BEND7: variants seen among roughly 807,000 people sequenced by gnomAD.
The protein encoded by BEND7 is BEN domain-containing protein 7.
BEND7 carries 28 observed loss-of-function variants against 50.9 expected under a neutral mutation model. The ratio of observed to expected loss-of-function variants is 0.55; its 90% CI spans 0.41 to 0.75. The LOEUF is 0.75. Ranked by LOEUF, BEND7 falls within the 30% of genes least tolerant of loss-of-function variation. The pLI, the probability that BEND7 is intolerant of heterozygous loss-of-function variation, is 0.00. For synonymous variants in BEND7, 170 were observed against 183.9 expected, an observed-to-expected ratio of 0.92 and a Z score of 0.61; for missense variants, 477 against 491.3, an observed-to-expected ratio of 0.97 and a Z score of 0.28.
At chr10:13,513,930 G>A (rs182262232) in intron 2 of BEND7, among the ~76,000 whole-genome samples, 6 of 152,250 alleles carry the variant, frequency 3.9e-5, no homozygotes, top group Non-Finnish European at 5.9e-5. Context: ...AAAAGTGCCC[G>A]GGACTCTATT....
At chr10:13,526,085 A>C in intron 2 of BEND7, 53 bp downstream of exon 2, 1 of 989,618 alleles carries the variant, frequency 1.0e-6, no homozygotes, top group Non-Finnish European at 1.4e-6. Flanking sequence ...TTTCCCCCTA[A>C]TTGCAAATGG....
At position 13,522,616 on chromosome 10, in the gene BEND7, C is replaced by T. The variant is rs79287646; in HGVS notation, c.145+3522G>A. Reference sequence around the variant, plus strand: ...CCTCACCCTTCCCACCTGGAATCTTCTCCAGGGAGGAGAAATACAGGAGCG... The same window carrying T: ...CCTCACCCTTCCCACCTGGAATCTTTTCCAGGGAGGAGAAATACAGGAGCG... On this transcript the variant is annotated intron_variant, in intron 2 of 8. Transcript: ENST00000466271. Among the ~76,000 whole-genome samples the T allele has an allele frequency of 6.7e-3, 1,019 of 152,348 alleles. 17 individuals carry two copies. The highest frequency in any genetic ancestry group is 0.024 in the African/African-American group (983 of 41,566).
chr10:13,449,220 A>T (rs1388460170), intron 7 of BEND7, among the ~76,000 whole-genome samples: 1 of 152,200 alleles, frequency 6.6e-6, no homozygotes, highest in Non-Finnish European at 1.5e-5. Flanking sequence ...TATATTTAGA[A>T]GACATTATTT....
intron 4 of BEND7, among the ~76,000 whole-genome samples, chr10:13,494,394 C>A (rs1385934288): frequency 6.6e-6 from 1 of 152,122 alleles, no homozygotes; most frequent in African/African-American, 2.4e-5. Context: ...TCCAGCCTGG[C>A]GACAGAGTGA....
At chr10:13,476,339 T>C (rs1043629168) in intron 6 of BEND7, among the ~76,000 whole-genome samples, 1 of 152,178 alleles carries the variant, frequency 6.6e-6, no homozygotes, top group African/African-American at 2.4e-5. Context: ...CTGATACCTG[T>C]GGCTGTCCAG....
chr10:13,478,834 G>A (rs945155833), intron 6 of BEND7, among the ~76,000 whole-genome samples: 5 of 151,996 alleles, frequency 3.3e-5, no homozygotes, highest in African/African-American at 1.2e-4. Flanking sequence ...TTACTGGGTC[G>A]TTATTACAGA....
intron 8 of BEND7, chr10:13,443,489 G>A (rs1412102014): frequency 6.5e-6 from 1 of 152,676 alleles, no homozygotes; most frequent in Admixed American, 6.5e-5. Flanking sequence ...CTGGAGGTGG[G>A]CGTTCTGGAC....
intron 8 of BEND7, chr10:13,442,082 T>G: frequency 3.4e-6 from 1 of 296,184 alleles, no homozygotes; most frequent in African/African-American, 2.2e-5. Context: ...GTGACATGAA[T>G]ACCTTGGACA....
chr10:13,503,825 AG>A (rs2077663104), intron 2 of BEND7, among the ~76,000 whole-genome samples: 1 of 152,222 alleles, frequency 6.6e-6, no homozygotes, highest in South Asian at 2.1e-4. Flanking sequence ...GAGAGTCGGC[AG>A]GGAAGGTTGA....
intron 6 of BEND7, among the ~76,000 whole-genome samples, chr10:13,453,891 G>T (rs778439665): frequency 4.6e-5 from 7 of 152,184 alleles, no homozygotes; most frequent in Non-Finnish European, 1.0e-4. Flanking sequence ...CCTTTGGACT[G>T]GTAATCTTAC....
At chr10:13,448,694 T>C (rs886443100) in intron 7 of BEND7, among the ~76,000 whole-genome samples, 1 of 151,786 alleles carries the variant, frequency 6.6e-6, no homozygotes, top group South Asian at 2.1e-4. Context: ...CCAACCTAGG[T>C]TGGATTAGAT....
chr10:13,506,886 C>T (rs2077935522), intron 2 of BEND7, among the ~76,000 whole-genome samples: 1 of 151,940 alleles, frequency 6.6e-6, no homozygotes, highest in Non-Finnish European at 1.5e-5. Flanking sequence ...GCTTGGGTCA[C>T]TGAATAGATA....
chr10:13,509,537 C>T (rs531774254), intron 2 of BEND7, among the ~76,000 whole-genome samples: 5 of 152,236 alleles, frequency 3.3e-5, no homozygotes, highest in South Asian at 4.2e-4. Context: ...ACTGAGGGAA[C>T]GCATGATCAA....
At chr10:13,513,456 T>C (rs2078430779) in intron 2 of BEND7, among the ~76,000 whole-genome samples, 1 of 152,214 alleles carries the variant, frequency 6.6e-6, no homozygotes, top group Admixed American at 6.5e-5. Context: ...AAAAATGTTA[T>C]TTTATCACGA....
At chr10:13,515,573 T>G (rs1248442944) in intron 2 of BEND7, among the ~76,000 whole-genome samples, 1 of 152,220 alleles carries the variant, frequency 6.6e-6, no homozygotes, top group Admixed American at 6.5e-5. Context: ...AAACATATTA[T>G]GAAATATGCG....
chr10:13,509,344 G>A (rs557958040), intron 2 of BEND7, among the ~76,000 whole-genome samples: 9 of 152,094 alleles, frequency 5.9e-5, no homozygotes, highest in Non-Finnish European at 1.3e-4. Flanking sequence ...AGCTTCCTAC[G>A]GACCCTGGGC....
chr10:13,448,143 T>C (rs1026418817), intron 7 of BEND7, among the ~76,000 whole-genome samples: 3 of 152,252 alleles, frequency 2.0e-5, no homozygotes, highest in Non-Finnish European at 2.9e-5. Flanking sequence ...CCTTCGCTCG[T>C]GTCTGATAAA....
intron 5 of BEND7, 88 bp from the exon 6 acceptor site, chr10:13,481,212 T>C: frequency 8.6e-7 from 1 of 1,165,102 alleles, no homozygotes; most frequent in Non-Finnish European, 1.2e-6. Context: ...CATCACTAGC[T>C]ACTGAAATGT....
chr10:13,483,427 T>C (rs568825153), intron 5 of BEND7, among the ~76,000 whole-genome samples: 3 of 152,370 alleles, frequency 2.0e-5, no homozygotes, highest in East Asian at 1.9e-4. Context: ...ACTCTTGTAT[T>C]TGGAGTGTCA....
Sources: allele counts gnomAD v4.1 joint callset (sites outside exome capture counted in the v4.1 genomes callset), GRCh38; gene constraint gnomAD v4.1.1; transcripts MANE v1.5; gene names NCBI Gene and HGNC (gene_info 2026-07-23, HGNC 2026-07-21).